PLEKHA8: variants seen among roughly 807,000 people sequenced by gnomAD.
The protein encoded by PLEKHA8 is pleckstrin homology domain containing A8, also known as pleckstrin homology domain-containing family A member 8.
A neutral mutation model predicts 68.2 loss-of-function variants in PLEKHA8; 36 were observed. The observed-to-expected ratio is 0.53, with a 90% CI of 0.40 to 0.70. The LOEUF is 0.70. Ranked by LOEUF, PLEKHA8 falls within the 30% of genes least tolerant of loss-of-function variation. PLEKHA8 has a pLI of 0.00. For synonymous variants in PLEKHA8, 211 were observed against 216.1 expected (o/e 0.98, Z 0.20); for missense variants, 505 against 615.4 (o/e 0.82, Z 1.90).
At chr7:30,074,485 T>C (rs1794488047) in intron 13 of PLEKHA8, among the ~76,000 whole-genome samples, 1 of 152,160 alleles carries the variant, frequency 6.6e-6, no homozygotes. Context: ...CTTGTGAAGA[T>C]TTGCCTCATA....
chr7:30,108,083 A>AAAACAAAAAAAAC (rs1554281880), intron 13 of PLEKHA8, among the ~76,000 whole-genome samples: 2 of 144,564 alleles, frequency 1.4e-5, no homozygotes, highest in Admixed American at 6.8e-5. Context: ...AAAAAAAAAA[A>AAAACAAAAAAAAC]AAAAAAAAAC....
At chr7:30,069,447 A>G (rs575252901) in intron 12 of PLEKHA8, among the ~76,000 whole-genome samples, 1 of 152,316 alleles carries the variant, frequency 6.6e-6, no homozygotes, top group Admixed American at 6.5e-5. Flanking sequence ...CAGTAGAAAA[A>G]CACTTTCCTG....
intron 13 of PLEKHA8, among the ~76,000 whole-genome samples, chr7:30,100,889 A>G (rs541579810): frequency 2.0e-5 from 3 of 152,308 alleles, no homozygotes; most frequent in Non-Finnish European, 4.4e-5. Context: ...AGATGGATCA[A>G]TGTAGAAAAG....
At chr7:30,069,886 A>T (rs1160550707) in intron 12 of PLEKHA8, 1 of 152,232 alleles carries the variant, frequency 6.6e-6, no homozygotes, top group Non-Finnish European at 1.5e-5. Context: ...GGGAACTGAC[A>T]CATCTCAAAG....
chr7:30,063,733 ATGTAGACT>A (rs1793623765), intron 12 of PLEKHA8, among the ~76,000 whole-genome samples: 1 of 152,200 alleles, frequency 6.6e-6, no homozygotes, highest in Non-Finnish European at 1.5e-5. Flanking sequence ...TTTGTGAACA[ATGTAGACT>A]TCATAAACTT....
chr7:30,053,688 G>C (rs1008161132), intron 7 of PLEKHA8, among the ~76,000 whole-genome samples: 2 of 152,174 alleles, frequency 1.3e-5, no homozygotes, highest in Admixed American at 6.5e-5. Context: ...TTGTTCTTCA[G>C]TGAATAGTTA....
intron 13 of PLEKHA8, among the ~76,000 whole-genome samples, chr7:30,113,910 T>G (rs1467712323): frequency 1.3e-5 from 2 of 151,638 alleles, no homozygotes; most frequent in Admixed American, 6.6e-5. Flanking sequence ...ACTTTTTTTT[T>G]TTTTTTTTGA....
At position 30,084,061 on chromosome 7, in the gene PLEKHA8, C is replaced by T. The variant is rs983420840; in HGVS notation, c.*5274C>T. 2.0e-6 allele frequency: 2 copies of T among 985,192 alleles called. No individual in the cohort carries two copies. The highest frequency in any genetic ancestry group is 1.7e-5 in the African/African-American group (1 of 57,184). 61.0% of individuals were successfully genotyped at this position (985,192 alleles called of 1,614,324 possible). On this transcript the variant is annotated 3_prime_UTR_variant, in exon 14 of 14. Coordinates refer to ENST00000449726, the MANE Select transcript of PLEKHA8 (RefSeq NM_001197026.2). ...TTTCACTAGAATGTCATTAAACAGCCCAACTACCTCATGTGAAATTGGCTG... is the reference window on the plus strand; with the variant it reads ...TTTCACTAGAATGTCATTAAACAGCTCAACTACCTCATGTGAAATTGGCTG...
intron 13 of PLEKHA8, among the ~76,000 whole-genome samples, chr7:30,122,440 G>A (rs1302524304): frequency 6.6e-6 from 1 of 152,134 alleles, no homozygotes; most frequent in African/African-American, 2.4e-5. Flanking sequence ...AATCATGGTT[G>A]TCTAAAAGCC....
rs1410284468 is a variant in PLEKHA8 at position 30,060,925 on chromosome 7, C to G, written c.1081C>G (p.Leu361Val). 1 of 1,612,890 alleles carries G rather than the reference C, an allele frequency of 6.2e-7. No individual in the cohort carries two copies. The change falls in exon 10 of 14, where the codon CTT becomes GTT. Residue 361 changes from leucine to valine, a missense_variant. Transcript: ENST00000449726. ...AGTGTTTGCTCCTGTTAAGATGGAT[C>G]TTGTTGGAAATATTAAGGTGAGCAT... is the stretch of plus-strand genomic sequence containing the variant. ...PTVFAPVKMD[L>V]VGNIKKVNQK...
Position 30,074,112 on chromosome 7 carries a change from G to A in PLEKHA8, c.1342G>A (p.Val448Ile). ...GKTLRQHHGWVVRGVFALALR... is the reference protein window; with the variant it reads ...GKTLRQHHGWIVRGVFALALR... ...AACATTGCGGCAACACCATGGCTGG[G>A]TAGTTCGAGGGGTTTTTGCGGTAAG... Residue 448 changes from valine to isoleucine, a missense_variant, in exon 13 of 14, where the codon GTA becomes ATA. Transcript: ENST00000449726. 1 of 1,613,324 alleles carries A rather than the reference G, an allele frequency of 6.2e-7. No homozygotes were observed. Among genetic ancestry groups the A allele is most frequent in the Non-Finnish European group, 8.5e-7 (1 of 1,179,472 alleles).
chr7:30,126,083 AT>A lies in PLEKHA8; in HGVS notation c.1363-3172del, dbSNP rs1033409521. On this transcript the variant is annotated intron_variant, in intron 13 of 13. Coordinates refer to the PLEKHA8 transcript ENST00000396257. Reference sequence around the variant, plus strand: ...CACTCTAAGTCTCTGTCATCTACAGATTTTTTTTTTTCACTCTGAGGCTTGT... The same window carrying A: ...CACTCTAAGTCTCTGTCATCTACAGATTTTTTTTTTCACTCTGAGGCTTGT... Among the ~76,000 whole-genome samples the A allele has an allele frequency of 5.1e-3, 757 of 147,886 alleles. 10 individuals are homozygous for A. The highest frequency in any genetic ancestry group is 0.018 in the African/African-American group (715 of 40,468).
At chr7:30,087,023 G>A (rs1223805412), downstream of PLEKHA8, among the ~76,000 whole-genome samples, 1 of 152,224 alleles carries the variant, frequency 6.6e-6, no homozygotes, top group Non-Finnish European at 1.5e-5. Flanking sequence ...ATGATTTGCT[G>A]TGTGAATGCA....
chr7:30,045,139 C>G lies in PLEKHA8; in HGVS notation c.95C>G (p.Ser32Cys). ...GGGGGAATATTGTCCTATTATGATT[C>G]TCCTGAAGATGCCTGGAAAGGTTGC... ...LCGGILSYYD[S>C]PEDAWKGCKG... is the part of the protein sequence containing the mutation. The change falls in exon 2 of 14, where the codon TCT becomes TGT. Residue 32 changes from serine to cysteine, a missense_variant. Coordinates refer to ENST00000449726, the MANE Select transcript of PLEKHA8 (RefSeq NM_001197026.2). 5.0e-6 allele frequency: 8 copies of G among 1,612,332 alleles called. No individual in the cohort carries two copies. The highest frequency in any genetic ancestry group is 6.8e-6 in the Non-Finnish European group (8 of 1,179,200).
chr7:30,031,618 T>G (rs1790673008), intron 1 of PLEKHA8, among the ~76,000 whole-genome samples: 1 of 152,108 alleles, frequency 6.6e-6, no homozygotes, highest in African/African-American at 2.4e-5. Context: ...GTGATGTGAT[T>G]GTGTGTGTGC....
At chr7:30,128,299 G>A (rs1796816582) in intron 13 of PLEKHA8, among the ~76,000 whole-genome samples, 1 of 151,940 alleles carries the variant, frequency 6.6e-6, no homozygotes, top group African/African-American at 2.4e-5. Flanking sequence ...TAGAGACAAG[G>A]TCTCACTATG....
chr7:30,059,592 A>G (rs539088016), intron 9 of PLEKHA8, among the ~76,000 whole-genome samples: 1 of 140,142 alleles, frequency 7.1e-6, no homozygotes, highest in African/African-American at 2.6e-5. Flanking sequence ...TTTTTTTAGT[A>G]TTCTGTTTTA....
In PLEKHA8 at chr7:30,084,432, A is replaced by G. The variant is rs1795092887; in HGVS notation, c.*5645A>G. 2 of 985,374 alleles carry G rather than the reference A, an allele frequency of 2.0e-6. No homozygotes were observed. Among genetic ancestry groups the G allele is most frequent in the African/African-American group, 3.5e-5 (2 of 57,346 alleles). 61.0% of individuals were successfully genotyped at this position (985,374 alleles called of 1,614,324 possible). On this transcript the variant is annotated 3_prime_UTR_variant, in exon 14 of 14. Coordinates refer to ENST00000449726, the MANE Select transcript of PLEKHA8 (RefSeq NM_001197026.2). ...AGTGGCTTGTTAACTTCTTAATTTAATGGACCTTTACTTAGAATATAATAT... is the reference window on the plus strand; with the variant it reads ...AGTGGCTTGTTAACTTCTTAATTTAGTGGACCTTTACTTAGAATATAATAT...
downstream of PLEKHA8, among the ~76,000 whole-genome samples, chr7:30,092,690 C>T (rs543212057): frequency 1.1e-4 from 16 of 152,350 alleles, no homozygotes; most frequent in South Asian, 2.9e-3. Flanking sequence ...CTTCTCCACT[C>T]TGAGCTCTGG....
Sources: gnomAD v4.1 joint callset for allele counts (sites outside exome capture counted in the v4.1 genomes callset) on GRCh38, gnomAD v4.1.1 for gene constraint, MANE v1.5 for transcripts, NCBI Gene and HGNC (gene_info 2026-07-23, HGNC 2026-07-21) for gene names.